The following SLC41A3 variants were observed in gnomAD, a reference collection of about 807,000 sequenced individuals.
SLC41A3 encodes the protein SLC41A1-like 2.
A neutral mutation model predicts 45.4 loss-of-function variants in SLC41A3; 44 were observed. The observed-to-expected ratio is 0.97, with a 90% CI of 0.76 to 1.25. SLC41A3 has a LOEUF of 1.25. Ranked by LOEUF, SLC41A3 falls within the 50% of genes most tolerant of loss-of-function variation. The pLI is 0.00. For synonymous variants in SLC41A3, 256 were observed against 252.4 expected (o/e 1.01, Z -0.13); for missense variants, 550 against 600.6 (o/e 0.92, Z 0.88).
rs1431453070 is a variant in SLC41A3 at position 126,006,586 on chromosome 3, C to A, written c.*430G>T. 2 of 1,586,690 alleles carry A rather than the reference C, an allele frequency of 1.3e-6. No homozygotes were observed. The highest frequency in any genetic ancestry group is 2.2e-5 in the East Asian group (1 of 44,760). ...GAACCTGGTGAAGACAGCAAGTAAG[C>A]CACAGCTCAAGAGTTCTGAGGCTTG... On this transcript the variant is annotated 3_prime_UTR_variant, in exon 11 of 11. Coordinates refer to ENST00000360370, the MANE Select transcript of SLC41A3 (RefSeq NM_017836.4).
At chr3:126,020,046 T>C (rs1036865650) in intron 6 of SLC41A3, among the ~76,000 whole-genome samples, 10 of 152,142 alleles carry the variant, frequency 6.6e-5, no homozygotes, top group Non-Finnish European at 4.4e-5. Context: ...AACTTGGTAG[T>C]GGCTACTAAG....
At chr3:126,084,782 A>T (rs951127616), upstream of SLC41A3, among the ~76,000 whole-genome samples, 3 of 152,174 alleles carry the variant, frequency 2.0e-5, no homozygotes, top group African/African-American at 7.2e-5. Flanking sequence ...AAAATAAATG[A>T]TAAGGCACCT....
chr3:126,074,903 C>T (rs753001388), intron 1 of SLC41A3, among the ~76,000 whole-genome samples: 5 of 152,150 alleles, frequency 3.3e-5, no homozygotes, highest in Non-Finnish European at 4.4e-5. Flanking sequence ...GTCTCAAACT[C>T]CTGAGCTCAG....
intron 1 of SLC41A3, 50 bp from the exon 2 acceptor site, chr3:126,068,296 C>A (rs564575201): frequency 6.9e-7 from 1 of 1,446,724 alleles, no homozygotes. Flanking sequence ...ATTCCCATGG[C>A]GCTAACACCC....
intron 2 of SLC41A3, among the ~76,000 whole-genome samples, chr3:126,059,233 GAGAA>G (rs1191216367): frequency 6.8e-4 from 4 of 5,900 alleles, no homozygotes; most frequent in African/African-American, 1.6e-3. Flanking sequence ...AAGAAAGAAA[GAGAA>G]AGAAAGAAAG....
At chr3:126,019,051 C>T (rs891758453) in intron 6 of SLC41A3, among the ~76,000 whole-genome samples, 40 of 152,268 alleles carry the variant, frequency 2.6e-4, no homozygotes, top group African/African-American at 7.9e-4. Flanking sequence ...CTAAAGAAAA[C>T]GAATTTGTTC....
chr3:126,007,311 G>T, intron 10 of SLC41A3, 86 bp from the exon 11 acceptor site: 1 of 1,440,262 alleles, frequency 6.9e-7, no homozygotes, highest in Non-Finnish European at 9.5e-7. Context: ...CTCAAGGAGA[G>T]ATACCAAGGT....
Position 126,012,689 on chromosome 3 carries a change from CA to C in SLC41A3, c.1030del (p.Trp344GlyfsTer11), listed in dbSNP as rs1355815512. ...TSRISTYLHM[W>X]SAPGVLPLQM... Reference sequence around the variant, plus strand: ...GAGGGGCAGGACGCCAGGTGCACTCCACATGTGCAGGTAGGTTGAGATTCGG... The same window carrying C: ...GAGGGGCAGGACGCCAGGTGCACTCCCATGTGCAGGTAGGTTGAGATTCGG... On this transcript the variant is annotated frameshift_variant, in exon 9 of 11. Transcript: ENST00000360370. LOFTEE classifies it high-confidence loss of function. The C allele has an allele frequency of 8.7e-6, 14 of 1,614,084 alleles. No individual in the cohort carries two copies. Among genetic ancestry groups the C allele is most frequent in the Non-Finnish European group, 1.1e-5 (13 of 1,180,044 alleles).
At chr3:126,023,031 G>C in intron 5 of SLC41A3, 99 bp from the exon 6 acceptor site, 1 of 1,494,002 alleles carries the variant, frequency 6.7e-7, no homozygotes, top group Non-Finnish European at 9.1e-7. Context: ...ACTGAGTAGG[G>C]ACTGGCAGGT....
chr3:126,052,121 T>C (rs1252015337), intron 2 of SLC41A3, among the ~76,000 whole-genome samples: 2 of 152,162 alleles, frequency 1.3e-5, no homozygotes, highest in African/African-American at 2.4e-5. Context: ...GAATTCAGAA[T>C]CCAGTTCCAG....
intron 2 of SLC41A3, chr3:126,057,832 G>C (rs1305129145): frequency 6.6e-6 from 1 of 152,194 alleles, no homozygotes; most frequent in East Asian, 1.9e-4. Flanking sequence ...CCCCTCATAG[G>C]AGCAATGCAT....
Position 126,056,027 on chromosome 3 carries a change from C to A in SLC41A3, c.274-4977G>T, listed in dbSNP as rs572859785. On this transcript the variant is annotated intron_variant, in intron 2 of 10. Transcript: ENST00000360370. Reference sequence around the variant, plus strand: ...AAGGCAGAACAGTGTGACTAAAAATCCCCTCCACTGGTGAGTGGCAGACTC... The same window carrying A: ...AAGGCAGAACAGTGTGACTAAAAATACCCTCCACTGGTGAGTGGCAGACTC... 2.0e-5 allele frequency among the ~76,000 whole-genome samples: 3 copies of A among 152,286 alleles called. No homozygotes were observed. The East Asian group carries it at 5.8e-4, about 29-fold the overall frequency.
At chr3:126,087,163 T>C (rs1945410406), upstream of SLC41A3, among the ~76,000 whole-genome samples, 1 of 152,154 alleles carries the variant, frequency 6.6e-6, no homozygotes, top group Non-Finnish European at 1.5e-5. Context: ...GCTTGTATAA[T>C]TTTTGATAAA....
chr3:126,062,064 T>C (rs1296788971), intron 2 of SLC41A3, among the ~76,000 whole-genome samples: 3 of 152,102 alleles, frequency 2.0e-5, no homozygotes, highest in African/African-American at 7.2e-5. Flanking sequence ...CAATGCAAAT[T>C]ACAACAGGAC....
At chr3:126,062,994 A>C (rs1944150131) in intron 2 of SLC41A3, among the ~76,000 whole-genome samples, 1 of 152,158 alleles carries the variant, frequency 6.6e-6, no homozygotes, top group Non-Finnish European at 1.5e-5. Flanking sequence ...TAAGTTGTCT[A>C]GGGGCTGCGG....
At chr3:126,070,563 A>C (rs1220053231) in intron 1 of SLC41A3, 1 of 152,252 alleles carries the variant, frequency 6.6e-6, no homozygotes, top group Non-Finnish European at 1.5e-5. Context: ...TTTTCATCAG[A>C]AATAGAAGCC....
At position 126,012,652 on chromosome 3, in the gene SLC41A3, TTTC is replaced by T; in HGVS notation, c.1065_1067del (p.Lys356del). The T allele has an allele frequency of 6.2e-7, 1 of 1,614,178 alleles. No individual in the cohort carries two copies. The highest frequency in any genetic ancestry group is 8.5e-7 in the Non-Finnish European group (1 of 1,180,028). On this transcript the variant is annotated inframe_deletion, in exon 9 of 11. Coordinates refer to ENST00000360370, the MANE Select transcript of SLC41A3 (RefSeq NM_017836.4). ...AAGTAGAACACGGGTTGGGCCAGAA[TTTC>T]TTCATCTGGAGGGGCAGGACGCCAG...
chr3:126,039,944 C>T (rs1333312152), intron 3 of SLC41A3, among the ~76,000 whole-genome samples: 1 of 152,150 alleles, frequency 6.6e-6, no homozygotes, highest in African/African-American at 2.4e-5. Context: ...CACCCACTGC[C>T]CAGATCTTGT....
chr3:126,028,792 C>G (rs1941571619), intron 4 of SLC41A3, among the ~76,000 whole-genome samples: 1 of 152,252 alleles, frequency 6.6e-6, no homozygotes. Context: ...CAGAGCTGCC[C>G]AAGGACTTGG....
Sources: allele counts gnomAD v4.1 joint callset (sites outside exome capture counted in the v4.1 genomes callset), GRCh38; gene constraint gnomAD v4.1.1; transcripts MANE v1.5; gene names NCBI Gene and HGNC (gene_info 2026-07-23, HGNC 2026-07-21).